Variants in GRIK1 observed in about 807,000 individuals in gnomAD.
GRIK1 encodes the protein glutamate receptor ionotropic, kainate 1.
A neutral mutation model predicts 105.7 loss-of-function variants in GRIK1; 69 were observed. The observed-to-expected ratio is 0.65, with a 90% CI of 0.54 to 0.80. GRIK1 has a LOEUF of 0.80. GRIK1 is among the 30% of genes least tolerant of loss of function. The pLI, the probability that GRIK1 is intolerant of heterozygous loss-of-function variation, is 0.00. For missense variants in GRIK1, 1,109 were observed against 1,167.3 expected (o/e 0.95, Z 0.73); for synonymous variants, 438 against 431.3 (o/e 1.02, Z -0.19).
intron 1 of GRIK1, among the ~76,000 whole-genome samples, chr21:29,773,972 A>G (rs1042389736): frequency 1.2e-4 from 19 of 152,224 alleles, no homozygotes; most frequent in African/African-American, 4.3e-4. Context: ...TTTTATTTTT[A>G]GGCTATATGT....
chr21:29,881,857 T>C (rs114511141), intron 1 of GRIK1, among the ~76,000 whole-genome samples: 158 of 152,276 alleles, frequency 1.0e-3, no homozygotes, highest in African/African-American at 3.6e-3. Context: ...ATGTAATATT[T>C]AATTTGTAAA....
At chr21:29,776,149 T>G (rs984768543) in intron 1 of GRIK1, among the ~76,000 whole-genome samples, 1 of 152,222 alleles carries the variant, frequency 6.6e-6, no homozygotes, top group Non-Finnish European at 1.5e-5. Context: ...ATTGCCTCAA[T>G]GATTCAATTA....
intron 1 of GRIK1, among the ~76,000 whole-genome samples, chr21:29,937,911 T>TC (rs1287027899): frequency 1.3e-5 from 2 of 151,812 alleles, no homozygotes; most frequent in African/African-American, 2.4e-5. Flanking sequence ...AGTAGTAAGT[T>TC]TTTTTTTAAA....
At chr21:29,856,406 C>T (rs1181131425) in intron 1 of GRIK1, among the ~76,000 whole-genome samples, 1 of 152,182 alleles carries the variant, frequency 6.6e-6, no homozygotes, top group Non-Finnish European at 1.5e-5. Context: ...GTGACATGAT[C>T]ACATGATAAT....
At chr21:29,718,735 G>C (rs2064240946) in intron 1 of GRIK1, among the ~76,000 whole-genome samples, 1 of 152,174 alleles carries the variant, frequency 6.6e-6, no homozygotes, top group Admixed American at 6.5e-5. Context: ...CCAAGACATA[G>C]AGCCAAAGTG....
At chr21:29,581,387 T>C (rs1000055945) in intron 13 of GRIK1, 38 bp downstream of exon 13, 2 of 1,154,622 alleles carry the variant, frequency 1.7e-6, no homozygotes, top group Non-Finnish European at 2.6e-6. Flanking sequence ...GTCAGCACAC[T>C]GTGGGATGCG....
At chr21:29,582,402 T>A (rs1312751993) in intron 12 of GRIK1, 2 of 456,458 alleles carry the variant, frequency 4.4e-6, no homozygotes, top group African/African-American at 4.1e-5. Context: ...TGCAAGGTGG[T>A]GCGCTATGGG....
intron 7 of GRIK1, among the ~76,000 whole-genome samples, chr21:29,633,666 A>G (rs2146493526): frequency 6.6e-6 from 1 of 152,278 alleles, no homozygotes; most frequent in South Asian, 2.1e-4. Flanking sequence ...TTTAGAAACT[A>G]ATCTATTTTA....
At chr21:29,572,706 T>C (rs78252811) in intron 14 of GRIK1, among the ~76,000 whole-genome samples, 362 of 152,282 alleles carry the variant, frequency 2.4e-3, no homozygotes, top group African/African-American at 8.3e-3. Flanking sequence ...TTATCTAGCC[T>C]GTCTGTGCCT....
At position 29,560,574 on chromosome 21, in the gene GRIK1, TTCTC is replaced by T. The variant is rs757906994; in HGVS notation, c.2356+1046_2356+1049del. On this transcript the variant is annotated intron_variant, in intron 15 of 17. Transcript: ENST00000327783. ...TTTCTTTCTTTCTTTCTTTCTTTCT[TTCTC>T]TCTTTCTTTCTTTCTCTCCTTCCTT... Among the ~76,000 whole-genome samples the T allele has an allele frequency of 3.3e-4, 41 of 124,154 alleles. 1 individual carries two copies. The highest frequency in any genetic ancestry group is 4.9e-4 in the Admixed American group (6 of 12,184). 81.4% of individuals were successfully genotyped at this position (124,154 alleles called of 152,430 possible). A position where few individuals can be genotyped will look rare whatever the true frequency, so the allele number is the denominator to read the frequency against.
At chr21:29,823,184 T>C (rs2067352615) in intron 1 of GRIK1, among the ~76,000 whole-genome samples, 2 of 152,032 alleles carry the variant, frequency 1.3e-5, no homozygotes, top group Admixed American at 6.6e-5. Flanking sequence ...GTAGAATATG[T>C]GTATTTAAAT....
chr21:29,923,108 T>A (rs1194479413), intron 1 of GRIK1, among the ~76,000 whole-genome samples: 1 of 152,210 alleles, frequency 6.6e-6, no homozygotes. Flanking sequence ...TATTTCCTTT[T>A]GACTGAGTAT....
intron 1 of GRIK1, among the ~76,000 whole-genome samples, chr21:29,907,844 A>G (rs148198478): frequency 0.013 from 2,032 of 152,248 alleles, 54 homozygotes; most frequent in African/African-American, 0.046. Context: ...TTACTTTATC[A>G]TTAGAAACTA....
intron 1 of GRIK1, among the ~76,000 whole-genome samples, chr21:29,789,179 C>T (rs1450298013): frequency 6.6e-6 from 1 of 152,188 alleles, no homozygotes; most frequent in Non-Finnish European, 1.5e-5. Flanking sequence ...CAAGAACCAC[C>T]CTTCCCCATA....
At position 29,788,302 on chromosome 21, in the gene GRIK1, C is replaced by T. The variant is rs542610206; in HGVS notation, c.119-94239G>A. On this transcript the variant is annotated intron_variant, in intron 1 of 17. Transcript: ENST00000327783. ...TACAAGGTGGTCAAGACGGGCATTG[C>T]GAAAAGACATTTGCAGATACCCAAC... Among the ~76,000 whole-genome samples the T allele has an allele frequency of 7.9e-5, 12 of 152,232 alleles. 1 individual carries two copies. Among genetic ancestry groups the T allele is most frequent in the Admixed American group, 3.3e-4 (5 of 15,296 alleles).
chr21:29,642,113 C>A (rs911861249), intron 7 of GRIK1, among the ~76,000 whole-genome samples: 11 of 152,158 alleles, frequency 7.2e-5, no homozygotes, highest in African/African-American at 2.2e-4. Flanking sequence ...TCCAGACACA[C>A]CCTGAGGTTC....
In GRIK1 at chr21:29,939,549, C is replaced by T. The variant is rs762757122; in HGVS notation, c.-49G>A. 7 of 1,228,102 alleles carry T rather than the reference C, an allele frequency of 5.7e-6. No individual in the cohort carries two copies. In the Middle Eastern group the frequency reaches 7.8e-4, roughly 137 times the overall value. The allele number at this position is 1,228,102 out of a possible 1,614,324, so 76.1% of individuals were successfully genotyped here. On this transcript the variant is annotated 5_prime_UTR_variant, in exon 1 of 18. Coordinates refer to ENST00000327783, the MANE Select transcript of GRIK1 (RefSeq NM_001330994.2). ...CGAGATACAGCCGCTGCCGGACGCC[C>T]GAGAGATGCACCCAACTTGGGCCGG...
At chr21:29,712,821 CCT>C (rs1427198913) in intron 1 of GRIK1, among the ~76,000 whole-genome samples, 4 of 152,208 alleles carry the variant, frequency 2.6e-5, no homozygotes, top group East Asian at 3.9e-4. Context: ...CTTCTTTTGA[CCT>C]CTTTTTCTGA....
chr21:29,747,303 T>A (rs927497279), intron 1 of GRIK1, among the ~76,000 whole-genome samples: 1 of 152,230 alleles, frequency 6.6e-6, no homozygotes, highest in Non-Finnish European at 1.5e-5. Context: ...CATTTATGCA[T>A]GGTCCTGGCT....
Sources: allele counts gnomAD v4.1 joint callset (sites outside exome capture counted in the v4.1 genomes callset), GRCh38; gene constraint gnomAD v4.1.1; transcripts MANE v1.5; gene names NCBI Gene and HGNC (gene_info 2026-07-23, HGNC 2026-07-21).